Variants in GALNT17 observed in about 807,000 individuals in gnomAD.
GALNT17 encodes UDP-GalNAc:polypeptide N-acetylgalactosaminyltransferase-like 3.
GALNT17 carries 29 observed loss-of-function variants against 63.7 expected under a neutral mutation model. That is an observed-to-expected ratio of 0.46 (90% CI 0.34 to 0.62). The LOEUF (loss-of-function observed/expected upper bound fraction) is 0.62, where lower values mean the gene tolerates loss of function less well. GALNT17 is among the 20% of genes least tolerant of loss of function. The probability of loss-of-function intolerance (pLI) is 0.01; values close to 1 mark genes in which losing one functional copy is unlikely to be tolerated. For missense variants in GALNT17, 603 were observed against 799.6 expected, an observed-to-expected ratio of 0.75 and a Z score of 2.97; for synonymous variants, 305 against 318.3, an observed-to-expected ratio of 0.96 and a Z score of 0.45.
intron 1 of GALNT17, among the ~76,000 whole-genome samples, chr7:71,242,250 T>A (rs1359244557): frequency 6.7e-6 from 1 of 149,062 alleles, no homozygotes; most frequent in Non-Finnish European, 1.5e-5. Flanking sequence ...ATTTCTTTTT[T>A]TTTTTTTTTC....
intron 5 of GALNT17, among the ~76,000 whole-genome samples, chr7:71,496,075 A>G (rs1023179898): frequency 1.3e-5 from 2 of 152,194 alleles, no homozygotes; most frequent in Non-Finnish European, 2.9e-5. Flanking sequence ...AAGCACTGGG[A>G]ACCCATGTGC....
At chr7:71,278,538 T>C (rs1329383173) in intron 1 of GALNT17, among the ~76,000 whole-genome samples, 2 of 152,232 alleles carry the variant, frequency 1.3e-5, no homozygotes, top group Non-Finnish European at 2.9e-5. Context: ...GTTCTCAGGC[T>C]GCTACAAAGA....
At chr7:71,620,495 C>G (rs1790274347) in intron 6 of GALNT17, among the ~76,000 whole-genome samples, 2 of 152,230 alleles carry the variant, frequency 1.3e-5, no homozygotes, top group South Asian at 4.1e-4. Flanking sequence ...TAAAAAATTA[C>G]AGTCACAAAA....
At position 71,678,984 on chromosome 7, in the gene GALNT17, G is replaced by A. The variant is rs1791194934; in HGVS notation, c.1500+1678G>A. On this transcript the variant is annotated intron_variant, in intron 9 of 10. Transcript: ENST00000333538. ...AAAAAAAAAAAAAAAAGTCAAATGC[G>A]ATCCATTTAAATCCAAGTTATTTAT... 2.0e-5 allele frequency among the ~76,000 whole-genome samples: 3 copies of A among 149,814 alleles called. No individual in the cohort carries two copies. In the South Asian group the frequency reaches 6.4e-4, roughly 32 times the overall value.
rs148721783 is a variant in GALNT17, at chr7:71,447,005, C to T, written c.962+25900C>T. On this transcript the variant is annotated intron_variant, in intron 5 of 10. Coordinates refer to ENST00000333538, the MANE Select transcript of GALNT17 (RefSeq NM_022479.3). Reference sequence around the variant, plus strand: ...TTCACTCACCCGCATCCACCTCTCCCGCAAATTCACACACTACTCATTCCT... The same window carrying T: ...TTCACTCACCCGCATCCACCTCTCCTGCAAATTCACACACTACTCATTCCT... Among the ~76,000 whole-genome samples, 154 of 152,286 alleles carry T rather than the reference C, an allele frequency of 1.0e-3. 1 individual carries two copies. The highest frequency in any genetic ancestry group is 3.3e-3 in the African/African-American group (139 of 41,558).
chr7:71,599,306 C>A (rs1203825342), intron 6 of GALNT17, among the ~76,000 whole-genome samples: 1 of 152,156 alleles, frequency 6.6e-6, no homozygotes, highest in Non-Finnish European at 1.5e-5. Context: ...GCTTTGCTTT[C>A]TTTTATTTAA....
At chr7:71,365,088 A>G (rs985815498) in intron 2 of GALNT17, among the ~76,000 whole-genome samples, 1 of 151,244 alleles carries the variant, frequency 6.6e-6, no homozygotes, top group Non-Finnish European at 1.5e-5. Context: ...GTGCAACACC[A>G]TGCCTGGCTA....
chr7:71,652,173 A>G (rs1445530589), intron 6 of GALNT17, among the ~76,000 whole-genome samples: 1 of 152,026 alleles, frequency 6.6e-6, no homozygotes, highest in Non-Finnish European at 1.5e-5. Flanking sequence ...TGCTCATCAC[A>G]AAACACTTCA....
intron 5 of GALNT17, among the ~76,000 whole-genome samples, chr7:71,550,005 A>G (rs1789049780): frequency 6.6e-6 from 1 of 151,630 alleles, no homozygotes; most frequent in Non-Finnish European, 1.5e-5. Context: ...TTAAAGACAG[A>G]ATAATTAGAA....
At chr7:71,611,887 G>A (rs1790130856) in intron 6 of GALNT17, among the ~76,000 whole-genome samples, 1 of 151,936 alleles carries the variant, frequency 6.6e-6, no homozygotes, top group Admixed American at 6.6e-5. Flanking sequence ...GGAGTGTGTG[G>A]TACAGCTTAG....
intron 3 of GALNT17, among the ~76,000 whole-genome samples, chr7:71,403,454 T>G (rs966109497): frequency 2.0e-5 from 3 of 152,224 alleles, no homozygotes. Context: ...AGTCCACATC[T>G]GCTCTGATGT....
intron 1 of GALNT17, among the ~76,000 whole-genome samples, chr7:71,139,744 G>C (rs1787851724): frequency 6.6e-6 from 1 of 152,166 alleles, no homozygotes; most frequent in Admixed American, 6.5e-5. Context: ...TGTAATCCCA[G>C]CACTTTGGGA....
At chr7:71,177,376 T>C (rs1461197109) in intron 1 of GALNT17, among the ~76,000 whole-genome samples, 1 of 152,176 alleles carries the variant, frequency 6.6e-6, no homozygotes, top group South Asian at 2.1e-4. Context: ...TCGCTTCCCA[T>C]GTCTGGACTC....
intron 6 of GALNT17, among the ~76,000 whole-genome samples, chr7:71,655,344 C>T (rs1010262936): frequency 1.3e-5 from 2 of 152,156 alleles, no homozygotes; most frequent in African/African-American, 4.8e-5. Flanking sequence ...TTGATATACC[C>T]AGCAGTAGTT....
intron 1 of GALNT17, among the ~76,000 whole-genome samples, chr7:71,252,985 A>G (rs1790227237): frequency 6.6e-6 from 1 of 152,206 alleles, no homozygotes; most frequent in African/African-American, 2.4e-5. Flanking sequence ...CATCTGAGCC[A>G]TATGCCTGTC....
At chr7:71,260,642 A>G (rs1490883720) in intron 1 of GALNT17, among the ~76,000 whole-genome samples, 2 of 150,014 alleles carry the variant, frequency 1.3e-5, no homozygotes, top group East Asian at 3.9e-4. Flanking sequence ...TTGCTCTGTC[A>G]CCAAGCCTGG....
intron 9 of GALNT17, among the ~76,000 whole-genome samples, chr7:71,697,057 T>G (rs1791556230): frequency 6.6e-6 from 1 of 152,166 alleles, no homozygotes; most frequent in Non-Finnish European, 1.5e-5. Context: ...GAAGGCAGGC[T>G]GGACGGTCAG....
rs376481963 is a variant in GALNT17, at chr7:71,210,487, G to A, written c.238+77447G>A. 4.6e-5 allele frequency among the ~76,000 whole-genome samples: 7 copies of A among 152,184 alleles called. No homozygotes were observed. The East Asian group carries it at 1.2e-3, about 25-fold the overall frequency. On this transcript the variant is annotated intron_variant, in intron 1 of 10. Coordinates refer to ENST00000333538, the MANE Select transcript of GALNT17 (RefSeq NM_022479.3). ...CCTGAGTTTAATTTTAACTATAAAG[G>A]CCCTGTTCTTGTGGAGTTTGCAGAG... is the stretch of plus-strand genomic sequence containing the variant.
At chr7:71,447,365 T>C (rs1787179579) in intron 5 of GALNT17, among the ~76,000 whole-genome samples, 1 of 152,210 alleles carries the variant, frequency 6.6e-6, no homozygotes, top group Non-Finnish European at 1.5e-5. Context: ...TTGGAAAATC[T>C]GGAATTCAAA....
Sources: gnomAD v4.1 joint callset for allele counts (sites outside exome capture counted in the v4.1 genomes callset) on GRCh38, gnomAD v4.1.1 for gene constraint, MANE v1.5 for transcripts, NCBI Gene and HGNC (gene_info 2026-07-23, HGNC 2026-07-21) for gene names.